NAALADL2: variants seen among roughly 807,000 people sequenced by gnomAD.
The protein encoded by NAALADL2 is N-acetylated alpha-linked acidic dipeptidase like 2.
Under a neutral mutation model 87.2 loss-of-function variants are expected in NAALADL2, and 76 were observed. The ratio of observed to expected loss-of-function variants is 0.87; its 90% CI spans 0.72 to 1.05. The LOEUF (loss-of-function observed/expected upper bound fraction) is 1.05. Among genes scored for constraint, NAALADL2 ranks in the 50% least tolerant of loss-of-function variants. NAALADL2 has a pLI of 0.00. For missense variants in NAALADL2, 1,089 were observed against 945.8 expected (o/e 1.15, Z -1.99); for synonymous variants, 354 against 331.0 (o/e 1.07, Z -0.75).
chr3:175,303,947 C>T lies in NAALADL2; in HGVS notation c.940-20228C>T, dbSNP rs367846520. ...TAACATGGGGCTTTTCCTTCTGTGCCCGAAATCTTTGTAAAATTATGTTAG... is the reference window on the plus strand; with the variant it reads ...TAACATGGGGCTTTTCCTTCTGTGCTCGAAATCTTTGTAAAATTATGTTAG... On this transcript the variant is annotated intron_variant, in intron 4 of 13. Transcript: ENST00000454872. Among the ~76,000 whole-genome samples the T allele has an allele frequency of 2.0e-4, 30 of 152,046 alleles. No homozygotes were observed. In the South Asian group the frequency reaches 6.2e-3, roughly 32 times the overall value.
At chr3:175,425,500 A>G (rs1326994074) in intron 5 of NAALADL2, among the ~76,000 whole-genome samples, 1 of 152,176 alleles carries the variant, frequency 6.6e-6, no homozygotes, top group African/African-American at 2.4e-5. Context: ...AGGTTTACCC[A>G]GGACAAACAT....
chr3:175,101,692 A>G (rs1208266168), intron 2 of NAALADL2, among the ~76,000 whole-genome samples: 1 of 152,232 alleles, frequency 6.6e-6, no homozygotes, highest in Non-Finnish European at 1.5e-5. Flanking sequence ...CATAGTTTGA[A>G]AATATAATAT....
intron 10 of NAALADL2, among the ~76,000 whole-genome samples, chr3:175,624,154 C>A (rs1726655475): frequency 6.6e-6 from 1 of 152,016 alleles, no homozygotes; most frequent in Non-Finnish European, 1.5e-5. Context: ...GACTCATATG[C>A]AGAGTTAATA....
intron 13 of NAALADL2, among the ~76,000 whole-genome samples, chr3:175,759,584 C>T (rs1254341000): frequency 1.3e-5 from 2 of 152,064 alleles, no homozygotes; most frequent in Non-Finnish European, 2.9e-5. Flanking sequence ...TCTCAAACTC[C>T]TGACCTCGTG....
chr3:175,584,845 A>G (rs1441116808), intron 10 of NAALADL2, among the ~76,000 whole-genome samples: 2 of 152,220 alleles, frequency 1.3e-5, no homozygotes, highest in Admixed American at 6.5e-5. Flanking sequence ...CAGGACTGGA[A>G]GTTTCTCTGG....
intron 3 of NAALADL2, among the ~76,000 whole-genome samples, chr3:175,238,994 A>G (rs1488915029): frequency 6.6e-6 from 1 of 152,172 alleles, no homozygotes; most frequent in African/African-American, 2.4e-5. Flanking sequence ...ATGTCCATTC[A>G]TCATAGGACC....
intron 1 of NAALADL2, among the ~76,000 whole-genome samples, chr3:175,063,991 C>A (rs1436240255): frequency 6.6e-6 from 1 of 152,098 alleles, no homozygotes; most frequent in Non-Finnish European, 1.5e-5. Flanking sequence ...TCAGCTGTCA[C>A]TTAATAGTCA....
In NAALADL2 at chr3:175,493,155, G is replaced by GT. The variant is rs1219399690; in HGVS notation, c.1653+21398dup. Among the ~76,000 whole-genome samples, 23 of 152,026 alleles carry GT rather than the reference G, an allele frequency of 1.5e-4. 1 individual carries two copies. The highest frequency in any genetic ancestry group is 4.6e-4 in the African/African-American group (19 of 41,422). ...TGCTGAATGCACTTAAATGATAACAGTGGGGTCATGGAGTTTTTGATGGTT... is the reference window on the plus strand; with the variant it reads ...TGCTGAATGCACTTAAATGATAACAGTTGGGGTCATGGAGTTTTTGATGGTT... On this transcript the variant is annotated intron_variant, in intron 9 of 13. Coordinates refer to ENST00000454872, the MANE Select transcript of NAALADL2 (RefSeq NM_207015.3).
chr3:174,663,690 T>C (rs1228957953), intron 2 of NAALADL2, among the ~76,000 whole-genome samples: 4 of 152,122 alleles, frequency 2.6e-5, no homozygotes, highest in Admixed American at 6.5e-5. Flanking sequence ...ATCTTTAGCA[T>C]TGGGGATCAA....
chr3:174,669,653 G>A (rs148084785), intron 2 of NAALADL2, among the ~76,000 whole-genome samples: 65 of 152,068 alleles, frequency 4.3e-4, no homozygotes, highest in African/African-American at 1.5e-3. Flanking sequence ...GCTTTCTGCT[G>A]TATTTTGGAA....
At chr3:175,626,260 T>G (rs1291800537) in intron 10 of NAALADL2, among the ~76,000 whole-genome samples, 7 of 151,944 alleles carry the variant, frequency 4.6e-5, no homozygotes, top group Admixed American at 4.6e-4. Context: ...CTATGACCCA[T>G]TAATTTATCC....
chr3:174,644,698 T>G (rs541009869), intron 2 of NAALADL2, among the ~76,000 whole-genome samples: 1 of 152,136 alleles, frequency 6.6e-6, no homozygotes, highest in Non-Finnish European at 1.5e-5. Flanking sequence ...TGTAATGATG[T>G]TTTTGTCTTA....
intron 4 of NAALADL2, among the ~76,000 whole-genome samples, chr3:175,303,546 T>C (rs1757340065): frequency 6.6e-6 from 1 of 152,140 alleles, no homozygotes; most frequent in African/African-American, 2.4e-5. Flanking sequence ...CTGACATGAG[T>C]CTCCATATTA....
intron 1 of NAALADL2, among the ~76,000 whole-genome samples, chr3:174,992,767 A>G (rs1164102031): frequency 6.6e-6 from 1 of 152,168 alleles, no homozygotes. Context: ...GATTGAATAT[A>G]CTATTAGTCA....
intron 9 of NAALADL2, among the ~76,000 whole-genome samples, chr3:175,555,367 A>T (rs1019338088): frequency 6.6e-6 from 1 of 152,168 alleles, no homozygotes; most frequent in Admixed American, 6.5e-5. Context: ...CATTTATTGC[A>T]TTATTTACTA....
chr3:174,889,566 A>G (rs1730618992), intron 1 of NAALADL2, among the ~76,000 whole-genome samples: 1 of 152,092 alleles, frequency 6.6e-6, no homozygotes, highest in African/African-American at 2.4e-5. Flanking sequence ...TCCAGTGAAG[A>G]AAAGGGAAAA....
intron 5 of NAALADL2, among the ~76,000 whole-genome samples, chr3:175,441,781 T>C (rs1370253145): frequency 6.6e-6 from 1 of 152,008 alleles, no homozygotes; most frequent in Non-Finnish European, 1.5e-5. Context: ...CCATCATCAT[T>C]AAAACACACC....
intron 1 of NAALADL2, among the ~76,000 whole-genome samples, chr3:174,500,493 T>C (rs1282607390): frequency 3.9e-5 from 6 of 152,200 alleles, no homozygotes; most frequent in African/African-American, 1.2e-4. Context: ...TGTAATGTTA[T>C]ATCAAAGTTG....
chr3:175,235,594 T>C (rs1745692597), intron 3 of NAALADL2: 1 of 152,244 alleles, frequency 6.6e-6, no homozygotes, highest in African/African-American at 2.4e-5. Context: ...ACTCTAAAAG[T>C]TACCCCGATA....
Sources: allele counts gnomAD v4.1 joint callset (sites outside exome capture counted in the v4.1 genomes callset), GRCh38; gene constraint gnomAD v4.1.1; transcripts MANE v1.5; gene names NCBI Gene and HGNC (gene_info 2026-07-23, HGNC 2026-07-21).